KIAA1217: variants seen among roughly 807,000 people sequenced by gnomAD.
KIAA1217 encodes KIAA1217, also known as sickle tail protein homolog.
A neutral mutation model predicts 163.9 loss-of-function variants in KIAA1217; 88 were observed. The ratio of observed to expected loss-of-function variants is 0.54; its 90% CI spans 0.45 to 0.64. The LOEUF (loss-of-function observed/expected upper bound fraction) is 0.64. Ranked by LOEUF, KIAA1217 falls within the 30% of genes least tolerant of loss-of-function variation. KIAA1217 has a pLI of 0.00. For synonymous variants in KIAA1217, 903 were observed against 923.1 expected (o/e 0.98, Z 0.39); for missense variants, 2,372 against 2,475.0 (o/e 0.96, Z 0.88).
At chr10:24,259,418 G>C (rs1590301206) in intron 2 of KIAA1217, among the ~76,000 whole-genome samples, 1 of 152,168 alleles carries the variant, frequency 6.6e-6, no homozygotes, top group Non-Finnish European at 1.5e-5. Context: ...TGCAAAACCA[G>C]CCTAGGCAAC....
At chr10:23,918,283 C>G (rs1456297707) in intron 1 of KIAA1217, among the ~76,000 whole-genome samples, 8 of 151,822 alleles carry the variant, frequency 5.3e-5, no homozygotes, top group African/African-American at 1.9e-4. Flanking sequence ...GCATGAGCCG[C>G]TGTGCCCTAC....
intron 1 of KIAA1217, among the ~76,000 whole-genome samples, chr10:23,819,196 G>A (rs1339271552): frequency 6.6e-6 from 1 of 152,096 alleles, no homozygotes; most frequent in Non-Finnish European, 1.5e-5. Context: ...TTTTAGCAGG[G>A]AACATGGCCA....
At chr10:23,896,810 T>G (rs1236886756) in intron 1 of KIAA1217, among the ~76,000 whole-genome samples, 1 of 152,082 alleles carries the variant, frequency 6.6e-6, no homozygotes, top group African/African-American at 2.4e-5. Context: ...TGTTAAGAGC[T>G]GGCTTCTTTT....
At chr10:24,042,736 T>C (rs145616753) in intron 2 of KIAA1217, among the ~76,000 whole-genome samples, 140 of 152,312 alleles carry the variant, frequency 9.2e-4, no homozygotes, top group Non-Finnish European at 1.4e-3. Context: ...ATGCTGATTG[T>C]TTTCACTTGT....
At chr10:23,960,493 G>A (rs1230742764) in intron 1 of KIAA1217, among the ~76,000 whole-genome samples, 1 of 151,032 alleles carries the variant, frequency 6.6e-6, no homozygotes, top group South Asian at 2.1e-4. Context: ...CCAATTTCAG[G>A]TGATCCGCCT....
intron 2 of KIAA1217, among the ~76,000 whole-genome samples, chr10:24,297,322 C>T (rs1194875579): frequency 1.3e-5 from 2 of 152,158 alleles, no homozygotes; most frequent in Non-Finnish European, 2.9e-5. Context: ...TCTGTTTCTC[C>T]TCAGTGTGAC....
chr10:24,026,693 T>C (rs573681893), intron 2 of KIAA1217, among the ~76,000 whole-genome samples: 2 of 151,586 alleles, frequency 1.3e-5, no homozygotes, highest in South Asian at 2.1e-4. Flanking sequence ...AACTAGATTT[T>C]GGTTACATTG....
intron 1 of KIAA1217, among the ~76,000 whole-genome samples, chr10:23,773,605 T>G (rs531936914): frequency 6.6e-6 from 1 of 152,340 alleles, no homozygotes; most frequent in Non-Finnish European, 1.5e-5. Context: ...GCACAGAATG[T>G]TCTTCCATTT....
chr10:24,517,215 C>A (rs1453705939), intron 10 of KIAA1217, among the ~76,000 whole-genome samples: 5 of 151,244 alleles, frequency 3.3e-5, no homozygotes, highest in Non-Finnish European at 7.4e-5. Flanking sequence ...ACATATATAT[C>A]CTTTTAATAA....
In KIAA1217 at chr10:24,543,866, C is replaced by T; in HGVS notation, c.4596C>T (p.Asn1532=). 6.2e-7 allele frequency: 1 copy of T among 1,613,956 alleles called. No homozygotes were observed. The highest frequency in any genetic ancestry group is 8.5e-7 in the Non-Finnish European group (1 of 1,180,004). ...QPHSLATETR[N]PGGQEMNRTE... ...ACTCCCTGGCCACAGAGACCAGAAACCCAGGAGGACAGGAAATGAACAGAA... is the reference window on the plus strand; with the variant it reads ...ACTCCCTGGCCACAGAGACCAGAAATCCAGGAGGACAGGAAATGAACAGAA... The change falls in exon 19 of 21, where the codon AAC becomes AAT. Residue 1532 remains asparagine (N), a synonymous_variant. Coordinates refer to ENST00000376454, the MANE Select transcript of KIAA1217 (RefSeq NM_019590.5).
intron 3 of KIAA1217, among the ~76,000 whole-genome samples, chr10:24,396,147 GCCAACATGGTGAAACCCTC>G (rs1164492306): frequency 4.6e-4 from 70 of 152,130 alleles, no homozygotes; most frequent in African/African-American, 1.6e-3. Flanking sequence ...GACCAGCCTG[GCCAACATGGTGAAACCCTC>G]TCTCTACTAA....
chr10:23,781,945 A>G lies in KIAA1217; in HGVS notation c.-321+86711A>G, dbSNP rs143834153. Among the ~76,000 whole-genome samples the G allele has an allele frequency of 2.8e-3, 428 of 152,280 alleles. 2 individuals are homozygous for G. The highest frequency in any genetic ancestry group is 9.9e-3 in the African/African-American group (411 of 41,558). Reference sequence around the variant, plus strand: ...TGGTCTATGTGTCTGTTTTTATGCCAGTACCACATTGTTTCAATCGCTATA... The same window carrying G: ...TGGTCTATGTGTCTGTTTTTATGCCGGTACCACATTGTTTCAATCGCTATA... On this transcript the variant is annotated intron_variant, in intron 1 of 18. Transcript: ENST00000376462.
chr10:24,097,098 G>A (rs558769301), intron 2 of KIAA1217, among the ~76,000 whole-genome samples: 1 of 152,296 alleles, frequency 6.6e-6, no homozygotes, highest in East Asian at 1.9e-4. Flanking sequence ...GCAATCATGT[G>A]CAAGAAAGAT....
At chr10:24,000,023 A>G (rs907955031) in intron 1 of KIAA1217, among the ~76,000 whole-genome samples, 2 of 152,170 alleles carry the variant, frequency 1.3e-5, no homozygotes, top group African/African-American at 4.8e-5. Flanking sequence ...CTGTGATTGC[A>G]CCACTGCAGT....
upstream of KIAA1217, among the ~76,000 whole-genome samples, chr10:24,205,908 G>A (rs2067531317): frequency 6.6e-6 from 1 of 152,174 alleles, no homozygotes; most frequent in Admixed American, 6.5e-5. Flanking sequence ...TCTCTTTATG[G>A]TGAATGCCAT....
chr10:23,953,086 AT>A (rs1341612312), intron 1 of KIAA1217, among the ~76,000 whole-genome samples: 1 of 152,204 alleles, frequency 6.6e-6, no homozygotes, highest in African/African-American at 2.4e-5. Context: ...TATCTTACAT[AT>A]TTTTTAAAGG....
chr10:24,420,902 A>G (rs1012010531), intron 3 of KIAA1217, among the ~76,000 whole-genome samples: 3 of 152,172 alleles, frequency 2.0e-5, no homozygotes, highest in Admixed American at 2.0e-4. Flanking sequence ...GCCAAGCCAC[A>G]CTGGCTTAAT....
chr10:24,200,532 C>T (rs935590335), intron 2 of KIAA1217, among the ~76,000 whole-genome samples: 4 of 152,154 alleles, frequency 2.6e-5, no homozygotes, highest in Non-Finnish European at 4.4e-5. Flanking sequence ...TGCCATACTG[C>T]CTGCATCTGG....
chr10:23,993,481 G>A (rs1846312924), intron 1 of KIAA1217, among the ~76,000 whole-genome samples: 1 of 150,886 alleles, frequency 6.6e-6, no homozygotes, highest in Admixed American at 6.6e-5. Flanking sequence ...AAGCTCCATG[G>A]AAGATATCCA....
Sources: allele counts gnomAD v4.1 joint callset (sites outside exome capture counted in the v4.1 genomes callset), GRCh38; gene constraint gnomAD v4.1.1; transcripts MANE v1.5; gene names NCBI Gene and HGNC (gene_info 2026-07-23, HGNC 2026-07-21).